BLTP2: variants seen among roughly 807,000 people sequenced by gnomAD.
BLTP2 encodes the protein U937-associated antigen.
chr17:28,618,829 T>C, the BLTP2 span: 1 of 1,614,096 alleles, frequency 6.2e-7, no homozygotes, highest in Non-Finnish European at 8.5e-7. Flanking sequence ...AATTCAGCAA[T>C]TCCCAGCTGT....
chr17:28,644,947 CCCGCCGCCG>C, the BLTP2 span: 635 of 1,520,766 alleles, frequency 4.2e-4, 1 homozygote, highest in Non-Finnish European at 5.1e-4. Flanking sequence ...CCCCCTCCCT[CCCGCCGCCG>C]CCGCCGCCGC....
the BLTP2 span, chr17:28,635,662 G>C: frequency 6.5e-7 from 1 of 1,540,308 alleles, no homozygotes; most frequent in African/African-American, 1.4e-5. Context: ...CAAAACAGTA[G>C]AGATGGCAAG....
At chr17:28,643,270 G>A in the BLTP2 span, 9 of 1,614,032 alleles carry the variant, frequency 5.6e-6, no homozygotes, top group South Asian at 1.1e-5. Flanking sequence ...CTGTAGGTCC[G>A]TTCTGATACG....
the BLTP2 span, chr17:28,621,590 T>C: frequency 1.1e-6 from 1 of 873,100 alleles, no homozygotes; most frequent in Non-Finnish European, 1.9e-6. Context: ...TTCAAGTAGT[T>C]ACACTTACTA....
chr17:28,639,681 GA>G, the BLTP2 span: 12 of 1,586,906 alleles, frequency 7.6e-6, no homozygotes, highest in South Asian at 2.2e-5. Context: ...GAGAGCACTG[GA>G]AGGGCAAGAG....
At chr17:28,634,795 A>G in the BLTP2 span, 3 of 1,613,920 alleles carry the variant, frequency 1.9e-6, no homozygotes, top group Non-Finnish European at 2.5e-6. Context: ...GAGCTCCTCA[A>G]TTTTGCGGGC....
chr17:28,643,944 G>T, the BLTP2 span: 2 of 1,319,326 alleles, frequency 1.5e-6, no homozygotes, highest in Non-Finnish European at 2.1e-6. Context: ...AAATGGCAAG[G>T]CTGGGATTAA....
the BLTP2 span, chr17:28,633,047 A>G: frequency 6.3e-7 from 1 of 1,589,100 alleles, no homozygotes; most frequent in Non-Finnish European, 8.6e-7. Flanking sequence ...TCAGGCAGGA[A>G]CTCTGGGGCC....
chr17:28,632,830 C>G, the BLTP2 span: 1 of 765,984 alleles, frequency 1.3e-6, no homozygotes, highest in African/African-American at 1.7e-5. Context: ...CTAGATTCTC[C>G]CTTGCCCTTC....
the BLTP2 span, chr17:28,642,970 T>C: frequency 1.3e-6 from 2 of 1,597,980 alleles, no homozygotes; most frequent in Non-Finnish European, 8.6e-7. Context: ...TTATAGCATC[T>C]ACATGAATGG....
chr17:28,629,785 T>G, the BLTP2 span, among the ~76,000 whole-genome samples: 6 of 152,062 alleles, frequency 3.9e-5, no homozygotes, highest in African/African-American at 1.4e-4. Context: ...GGCCTAATTT[T>G]TGTATTTTTA....
the BLTP2 span, chr17:28,631,328 C>G: frequency 2.9e-6 from 2 of 698,764 alleles, no homozygotes; most frequent in Admixed American, 2.3e-5. Context: ...ATGCGGGCAC[C>G]GTGATCTTGG....
chr17:28,615,732 T>C, the BLTP2 span: 1 of 1,614,188 alleles, frequency 6.2e-7, no homozygotes, highest in Non-Finnish European at 8.5e-7. Context: ...GTCCATGTGT[T>C]GTTGTGGTAC....
the BLTP2 span, among the ~76,000 whole-genome samples, chr17:28,626,558 GC>G: frequency 6.6e-6 from 1 of 152,132 alleles, no homozygotes; most frequent in Non-Finnish European, 1.5e-5. Flanking sequence ...ATAATTTTCA[GC>G]CCCCCACCCA....
the BLTP2 span, among the ~76,000 whole-genome samples, chr17:28,626,722 C>A: frequency 3.3e-5 from 5 of 152,238 alleles, no homozygotes; most frequent in Non-Finnish European, 7.3e-5. Context: ...CGTAGAGGTT[C>A]CTGGGGCATA....
chr17:28,634,698 C>T, the BLTP2 span: 7 of 1,614,194 alleles, frequency 4.3e-6, no homozygotes, highest in Non-Finnish European at 5.9e-6. Flanking sequence ...TCCAAGTAAG[C>T]AGTGCCCGGC....
chr17:28,620,607 T>C, the BLTP2 span: 1 of 1,614,108 alleles, frequency 6.2e-7, no homozygotes, highest in Non-Finnish European at 8.5e-7. Flanking sequence ...TCATGGTGGA[T>C]AAGGGTGAAG....
the BLTP2 span, among the ~76,000 whole-genome samples, chr17:28,622,882 CT>C: frequency 6.6e-6 from 1 of 152,152 alleles, no homozygotes; most frequent in Admixed American, 6.5e-5. Flanking sequence ...TGAGACCAGC[CT>C]GGCCAACATG....
chr17:28,623,918 C>A, the BLTP2 span: 1 of 1,614,084 alleles, frequency 6.2e-7, no homozygotes, highest in East Asian at 2.2e-5. Flanking sequence ...TGGGCTTTGG[C>A]AGCTGACACA....
Sources: allele counts gnomAD v4.1 joint callset (sites outside exome capture counted in the v4.1 genomes callset), GRCh38; gene constraint gnomAD v4.1.1; transcripts MANE v1.5; gene names NCBI Gene and HGNC (gene_info 2026-07-23, HGNC 2026-07-21).